The following GPHN variants were observed in gnomAD, a reference collection of about 807,000 sequenced individuals.
The protein encoded by GPHN is gephyrin.
A neutral mutation model predicts 95.5 loss-of-function variants in GPHN; 17 were observed. The ratio of observed to expected loss-of-function variants is 0.18; its 90% confidence interval spans 0.12 to 0.27. GPHN has a LOEUF of 0.27. GPHN is among the 10% of genes least tolerant of loss of function. The pLI is 1.00. For missense variants in GPHN, 660 were observed against 978.1 expected (o/e 0.67, Z 4.34); for synonymous variants, 320 against 322.5 (o/e 0.99, Z 0.08).
the GPHN span, among the ~76,000 whole-genome samples, chr14:67,482,330 G>A: frequency 6.6e-6 from 1 of 152,204 alleles, no homozygotes; most frequent in Non-Finnish European, 1.5e-5. Flanking sequence ...AAAACCAGAT[G>A]GAATAACTGC....
At chr14:67,076,742 G>A (rs1209924752) in intron 11 of GPHN, among the ~76,000 whole-genome samples, 1 of 152,164 alleles carries the variant, frequency 6.6e-6, no homozygotes, top group African/African-American at 2.4e-5. Flanking sequence ...AACTTTTGAA[G>A]AATTTATAAT....
rs1032087744 is a variant in GPHN, at chr14:66,550,740, C to T, written c.64+42149C>T. 2.6e-5 allele frequency among the ~76,000 whole-genome samples: 4 copies of T among 152,162 alleles called. No individual in the cohort carries two copies. The South Asian group carries it at 6.2e-4, about 24-fold the overall frequency. Reference sequence around the variant, plus strand: ...CACCCCAACCTTCAGCAGCCACCACCCTGATCAGTCAGCAGCTATATACAT... The same window carrying T: ...CACCCCAACCTTCAGCAGCCACCACTCTGATCAGTCAGCAGCTATATACAT... On this transcript the variant is annotated intron_variant, in intron 1 of 22. Transcript: ENST00000478722.
chr14:67,355,283 C>G, the GPHN span, among the ~76,000 whole-genome samples: 1 of 151,662 alleles, frequency 6.6e-6, no homozygotes, highest in Non-Finnish European at 1.5e-5. Flanking sequence ...TAAATTTACA[C>G]TGAAGTCTCC....
At chr14:67,557,389 A>G in the GPHN span, 1 of 1,613,804 alleles carries the variant, frequency 6.2e-7, no homozygotes, top group South Asian at 1.1e-5. Flanking sequence ...TGAGCTCATC[A>G]GCCAGCTAGA....
chr14:66,634,036 T>G (rs1251477876), intron 1 of GPHN, among the ~76,000 whole-genome samples: 2 of 152,016 alleles, frequency 1.3e-5, no homozygotes, highest in African/African-American at 4.8e-5. Flanking sequence ...ATTATTTATA[T>G]GTGTTCTTTT....
At chr14:66,522,603 A>G (rs1451580435) in intron 1 of GPHN, among the ~76,000 whole-genome samples, 4 of 152,152 alleles carry the variant, frequency 2.6e-5, no homozygotes, top group Non-Finnish European at 5.9e-5. Flanking sequence ...CTTTTTAGGA[A>G]ATGGTGGTCT....
chr14:67,117,768 A>G (rs1314592526), intron 16 of GPHN, among the ~76,000 whole-genome samples: 1 of 152,194 alleles, frequency 6.6e-6, no homozygotes, highest in Admixed American at 6.5e-5. Context: ...CTTATAACAA[A>G]AACAATATCA....
chr14:66,818,539 T>C (rs2061070287), intron 3 of GPHN, among the ~76,000 whole-genome samples: 1 of 152,218 alleles, frequency 6.6e-6, no homozygotes, highest in African/African-American at 2.4e-5. Flanking sequence ...TCTTTGCTAT[T>C]GTGAATAGTG....
At chr14:66,826,197 C>A (rs908125730) in intron 4 of GPHN, among the ~76,000 whole-genome samples, 11 of 152,094 alleles carry the variant, frequency 7.2e-5, no homozygotes, top group East Asian at 1.9e-4. Flanking sequence ...TAATTTACAT[C>A]ACAAAATGTT....
At chr14:67,010,977 A>AAATTCT (rs1186909328) in intron 9 of GPHN, among the ~76,000 whole-genome samples, 3 of 152,204 alleles carry the variant, frequency 2.0e-5, no homozygotes, top group African/African-American at 7.2e-5. Flanking sequence ...AGATGATATC[A>AAATTCT]AATTCTAAAT....
chr14:66,946,317 A>G (rs770052524), intron 8 of GPHN, among the ~76,000 whole-genome samples: 7 of 152,218 alleles, frequency 4.6e-5, no homozygotes, highest in Non-Finnish European at 1.0e-4. Context: ...ATCTAGGCAG[A>G]TGATGTAGAT....
At chr14:67,100,195 A>G (rs1595133647) in intron 12 of GPHN, among the ~76,000 whole-genome samples, 1 of 152,208 alleles carries the variant, frequency 6.6e-6, no homozygotes, top group Admixed American at 6.5e-5. Flanking sequence ...CTGTGCTACA[A>G]TTACAAGACT....
chr14:66,741,959 T>C (rs887650835), intron 2 of GPHN, among the ~76,000 whole-genome samples: 1 of 152,218 alleles, frequency 6.6e-6, no homozygotes, highest in African/African-American at 2.4e-5. Context: ...GCTATCTTCA[T>C]TGGTTCCAGT....
chr14:67,056,471 GGTGGATGTA>G, intron 10 of GPHN, among the ~76,000 whole-genome samples: 1 of 152,098 alleles, frequency 6.6e-6, no homozygotes, highest in Non-Finnish European at 1.5e-5. Context: ...AGTGCTGATT[GGTGGATGTA>G]CAATCCGCTA....
intron 4 of GPHN, among the ~76,000 whole-genome samples, chr14:66,838,237 A>T: frequency 6.6e-6 from 1 of 152,316 alleles, no homozygotes; most frequent in South Asian, 2.1e-4. Context: ...TTATGTAAAT[A>T]ATATAAGCAA....
intron 19 of GPHN, among the ~76,000 whole-genome samples, chr14:67,161,276 G>C (rs1171295385): frequency 6.6e-6 from 1 of 152,044 alleles, no homozygotes; most frequent in East Asian, 1.9e-4. Context: ...CTGGGTAACA[G>C]AGTGAGACCT....
At chr14:67,593,694 G>T in the GPHN span, 1 of 1,084,144 alleles carries the variant, frequency 9.2e-7, no homozygotes, top group Non-Finnish European at 1.4e-6. Flanking sequence ...CCCATGGGCT[G>T]GCTACCTCCT....
At chr14:66,844,649 T>G (rs547176761) in intron 4 of GPHN, among the ~76,000 whole-genome samples, 1 of 152,234 alleles carries the variant, frequency 6.6e-6, no homozygotes, top group East Asian at 1.9e-4. Context: ...ATAATATAGA[T>G]AAAATTTGTC....
the GPHN span, among the ~76,000 whole-genome samples, chr14:67,400,437 C>T: frequency 6.6e-6 from 1 of 152,204 alleles, no homozygotes; most frequent in Non-Finnish European, 1.5e-5. Flanking sequence ...AAAGATTTGT[C>T]TTTGACTTCT....
Sources: gnomAD v4.1 joint callset for allele counts (sites outside exome capture counted in the v4.1 genomes callset) on GRCh38, gnomAD v4.1.1 for gene constraint, MANE v1.5 for transcripts, NCBI Gene and HGNC (gene_info 2026-07-23, HGNC 2026-07-21) for gene names.